Variants in PHACTR3 observed in about 807,000 individuals in gnomAD.
PHACTR3 encodes the protein phosphatase and actin regulator 3, also known as protein phosphatase 1, regulatory subunit 123.
A neutral mutation model predicts 66.8 loss-of-function variants in PHACTR3; 16 were observed. That is an observed-to-expected ratio of 0.24 (90% CI 0.16 to 0.36). The LOEUF (loss-of-function observed/expected upper bound fraction) is 0.36. PHACTR3 is among the 10% of genes least tolerant of loss of function. The pLI, the probability that PHACTR3 is intolerant of heterozygous loss-of-function variation, is 1.00. For synonymous variants in PHACTR3, 323 were observed against 292.1 expected (o/e 1.11, Z -1.08); for missense variants, 647 against 719.9 (o/e 0.90, Z 1.16).
chr20:59,845,600 C>T (rs998567601), intron 12 of PHACTR3, among the ~76,000 whole-genome samples: 1 of 152,158 alleles, frequency 6.6e-6, no homozygotes, highest in Non-Finnish European at 1.5e-5. Flanking sequence ...TTATAGAACT[C>T]ACCTGTTTAT....
At chr20:59,822,106 C>T (rs1344430570) in intron 8 of PHACTR3, among the ~76,000 whole-genome samples, 127 of 62,048 alleles carry the variant, frequency 2.0e-3, no homozygotes, top group African/African-American at 0.01. Context: ...ATCCCACCCC[C>T]TCCGCAGCGA....
upstream of PHACTR3, among the ~76,000 whole-genome samples, chr20:59,602,778 T>G (rs2033517351): frequency 6.6e-6 from 1 of 152,106 alleles, no homozygotes; most frequent in South Asian, 2.1e-4. Flanking sequence ...CAAGGCATGG[T>G]TGGGGGCAAG....
chr20:59,761,173 G>A (rs1370818921), intron 4 of PHACTR3, among the ~76,000 whole-genome samples: 1 of 152,152 alleles, frequency 6.6e-6, no homozygotes, highest in Non-Finnish European at 1.5e-5. Context: ...CATGGCTGTG[G>A]AGCACTGCTC....
At chr20:59,582,591 T>C (rs1336786528) in intron 1 of PHACTR3, among the ~76,000 whole-genome samples, 1 of 152,244 alleles carries the variant, frequency 6.6e-6, no homozygotes, top group African/African-American at 2.4e-5. Context: ...CAGCACTTGA[T>C]ACATTCACAT....
chr20:59,604,746 A>C lies in PHACTR3; in HGVS notation c.-269A>C. The C allele has an allele frequency of 8.9e-7, 1 of 1,120,098 alleles. No homozygotes were observed. The highest frequency in any genetic ancestry group is 1.1e-6 in the Non-Finnish European group (1 of 919,472). The allele number at this position is 1,120,098 out of a possible 1,614,324, so 69.4% of individuals were successfully genotyped here. On this transcript the variant is annotated 5_prime_UTR_variant, in exon 1 of 13. Transcript: ENST00000371015. ...CCTGGAATATAGACTGAAGAATGGG[A>C]ATAAACACGAATAAATAACAAAGCG...
At chr20:59,759,497 G>A (rs2039922488) in intron 4 of PHACTR3, among the ~76,000 whole-genome samples, 1 of 151,920 alleles carries the variant, frequency 6.6e-6, no homozygotes, top group African/African-American at 2.4e-5. Flanking sequence ...CCTGTAGATG[G>A]GTGTTGGAGT....
At chr20:59,782,405 C>T (rs1403679372) in intron 7 of PHACTR3, among the ~76,000 whole-genome samples, 1 of 152,146 alleles carries the variant, frequency 6.6e-6, no homozygotes. Flanking sequence ...GTGCATACCA[C>T]CATGCCTGGC....
At chr20:59,796,959 T>C (rs1172912490) in intron 7 of PHACTR3, among the ~76,000 whole-genome samples, 1 of 152,144 alleles carries the variant, frequency 6.6e-6, no homozygotes, top group Non-Finnish European at 1.5e-5. Flanking sequence ...TTTATCTGTC[T>C]TCTTTGAAAA....
intron 1 of PHACTR3, among the ~76,000 whole-genome samples, chr20:59,648,727 C>T (rs1235884095): frequency 1.3e-5 from 2 of 152,164 alleles, no homozygotes; most frequent in Non-Finnish European, 2.9e-5. Flanking sequence ...GTCCTTTTGG[C>T]ACTAATTAAA....
chr20:59,578,092 C>T (rs2032766276), intron 1 of PHACTR3, among the ~76,000 whole-genome samples: 1 of 152,260 alleles, frequency 6.6e-6, no homozygotes, highest in African/African-American at 2.4e-5. Context: ...CCATGGGCCT[C>T]CACCCACGTG....
intron 9 of PHACTR3, among the ~76,000 whole-genome samples, chr20:59,836,932 T>G (rs2058978271): frequency 6.6e-6 from 1 of 152,176 alleles, no homozygotes; most frequent in Non-Finnish European, 1.5e-5. Flanking sequence ...ACACGCCCCT[T>G]GCCTGTTACA....
intron 1 of PHACTR3, among the ~76,000 whole-genome samples, chr20:59,578,106 C>G (rs2032766808): frequency 6.6e-6 from 1 of 152,244 alleles, no homozygotes; most frequent in Non-Finnish European, 1.5e-5. Context: ...CCACGTGGGA[C>G]TGGCCCCTCG....
chr20:59,691,246 G>A (rs1392619139), intron 1 of PHACTR3, among the ~76,000 whole-genome samples: 1 of 152,132 alleles, frequency 6.6e-6, no homozygotes, highest in Non-Finnish European at 1.5e-5. Context: ...AGCTTCCTCT[G>A]ATTGTCAACA....
chr20:59,652,402 C>T (rs2146453601), intron 1 of PHACTR3, among the ~76,000 whole-genome samples: 1 of 152,202 alleles, frequency 6.6e-6, no homozygotes, highest in East Asian at 1.9e-4. Flanking sequence ...AAAAAATTAG[C>T]TGGGCATGGT....
intron 9 of PHACTR3, among the ~76,000 whole-genome samples, chr20:59,837,958 T>C (rs911800687): frequency 6.6e-6 from 1 of 152,210 alleles, no homozygotes; most frequent in African/African-American, 2.4e-5. Flanking sequence ...GTGTTAATCT[T>C]TGGAAATAAA....
At chr20:59,845,088 T>TA in intron 11 of PHACTR3, 101 bp from the exon 12 acceptor site, 6 of 722,156 alleles carry the variant, frequency 8.3e-6, no homozygotes, top group Non-Finnish European at 1.4e-5. Context: ...TATTACATAA[T>TA]AGAGTCAACA....
chr20:59,685,256 C>A (rs1303768783), intron 1 of PHACTR3, among the ~76,000 whole-genome samples: 1 of 152,186 alleles, frequency 6.6e-6, no homozygotes, highest in Non-Finnish European at 1.5e-5. Context: ...CCTGTCCCTG[C>A]CTCCCATTGC....
At chr20:59,844,137 A>C (rs920233424) in intron 11 of PHACTR3, 2 of 152,132 alleles carry the variant, frequency 1.3e-5, no homozygotes, top group African/African-American at 4.8e-5. Context: ...ATCTTATTCC[A>C]GTTAGAATAG....
chr20:59,751,268 G>A (rs1433284864), intron 3 of PHACTR3, among the ~76,000 whole-genome samples: 1 of 152,190 alleles, frequency 6.6e-6, no homozygotes, highest in Admixed American at 6.5e-5. Context: ...TCTGCAGCCG[G>A]GGGCGCCCTC....
Sources: allele counts gnomAD v4.1 joint callset (sites outside exome capture counted in the v4.1 genomes callset), GRCh38; gene constraint gnomAD v4.1.1; transcripts MANE v1.5; gene names NCBI Gene and HGNC (gene_info 2026-07-23, HGNC 2026-07-21).